ST7: variants seen among roughly 807,000 people sequenced by gnomAD.
ST7 encodes suppression of tumorigenicity 7.
In ST7, 28 loss-of-function variants were observed where a neutral mutation model predicts 78.7. That is an observed-to-expected ratio of 0.36 (90% CI 0.26 to 0.49). The LOEUF (loss-of-function observed/expected upper bound fraction) is 0.49. ST7 is among the 20% of genes least tolerant of loss of function. ST7 has a pLI of 0.99. For synonymous variants in ST7, 247 were observed against 249.6 expected (o/e 0.99, Z 0.10); for missense variants, 418 against 696.0 (o/e 0.60, Z 4.49).
At chr7:117,106,746 GA>G (rs1243010324) in intron 2 of ST7, among the ~76,000 whole-genome samples, 2 of 149,062 alleles carry the variant, frequency 1.3e-5, no homozygotes, top group African/African-American at 4.9e-5. Flanking sequence ...TTAGCCTCCT[GA>G]ATAGCTGGGA....
intron 1 of ST7, among the ~76,000 whole-genome samples, chr7:117,088,718 GA>G (rs1338321973): frequency 6.6e-6 from 1 of 152,174 alleles, no homozygotes; most frequent in African/African-American, 2.4e-5. Context: ...TTCCCCTTAA[GA>G]TAATGGAAAA....
rs1466381794 is a variant in ST7, at chr7:116,968,739, C to G, written c.151+15048C>G. ...GTAGAGCACAAAGGAGAAATAAATA[C>G]CAAAACAAGGGGATGAGAGAAAGCT... On this transcript the variant is annotated intron_variant, in intron 1 of 15. Coordinates refer to ENST00000323984, the MANE Select transcript of ST7 (RefSeq NM_001369598.1). Among the ~76,000 whole-genome samples the G allele has an allele frequency of 5.3e-5, 8 of 151,548 alleles. No homozygotes were observed. The East Asian group carries it at 1.4e-3, about 26-fold the overall frequency.
intron 8 of ST7, chr7:117,136,504 C>A: frequency 5.3e-6 from 3 of 567,480 alleles, no homozygotes; most frequent in Non-Finnish European, 9.3e-6. Flanking sequence ...TAATAGTAAC[C>A]TTTTTTCCTC....
chr7:117,097,904 ATATATT>A (rs1167442669), intron 1 of ST7, among the ~76,000 whole-genome samples: 462 of 33,682 alleles, frequency 0.014, 41 homozygotes, highest in African/African-American at 0.043. Context: ...ATATATATAT[ATATATT>A]TTTTTTTTTT....
chr7:117,202,395 C>G (rs1242922972), intron 12 of ST7, among the ~76,000 whole-genome samples: 1 of 152,200 alleles, frequency 6.6e-6, no homozygotes, highest in East Asian at 1.9e-4. Flanking sequence ...CAGGCCATTT[C>G]TCCAGGGATG....
chr7:116,981,182 C>T (rs776593587), intron 1 of ST7, among the ~76,000 whole-genome samples: 1 of 151,978 alleles, frequency 6.6e-6, no homozygotes, highest in Non-Finnish European at 1.5e-5. Flanking sequence ...GATCATGGCT[C>T]ACTGCAGCCT....
Position 116,953,682 on chromosome 7 carries a change from T to G in ST7, c.142T>G (p.Leu48Val). 6.7e-7 allele frequency: 1 copy of G among 1,489,696 alleles called. No individual in the cohort carries two copies. Among genetic ancestry groups the G allele is most frequent in the Admixed American group, 1.9e-5 (1 of 52,650 alleles). 92.3% of individuals were successfully genotyped at this position (1,489,696 alleles called of 1,614,324 possible). A position where few individuals can be genotyped will look rare whatever the true frequency, so the allele number is the denominator to read the frequency against. Residue 48 changes from leucine to valine, a missense_variant, in exon 1 of 16, where the codon TTG becomes GTG. By Grantham distance (32) the Leu-to-Val change is conservative. This residue lies in a region of ST7 where 71 missense variants were observed against 61.5 expected (regional missense o/e 1.16). Coordinates refer to ENST00000323984, the MANE Select transcript of ST7 (RefSeq NM_001369598.1). ...LRVPLKINDN[L>V]STVSMFLNTL... ...GGTGCCTTTGAAAATCAACGACAAC[T>G]TGAGCACAGGTAAGGCCTGGGAGCC...
intron 3 of ST7, among the ~76,000 whole-genome samples, chr7:117,124,477 A>G (rs1164164769): frequency 1.3e-5 from 2 of 152,172 alleles, no homozygotes; most frequent in Non-Finnish European, 2.9e-5. Flanking sequence ...GACCTTGTCC[A>G]GAACCTCTAT....
chr7:117,011,690 C>T (rs1795390864), intron 1 of ST7, among the ~76,000 whole-genome samples: 1 of 152,124 alleles, frequency 6.6e-6, no homozygotes, highest in South Asian at 2.1e-4. Context: ...TAAGTACAAC[C>T]CACTGCTGTC....
rs533912596 is a variant in ST7 at position 117,032,407 on chromosome 7, TA to T, written c.152-67354del. 5.7e-4 allele frequency among the ~76,000 whole-genome samples: 87 copies of T among 152,202 alleles called. No individual in the cohort carries two copies. In the East Asian group the frequency reaches 0.017, roughly 29 times the overall value. ...AAAGGTCTGAATTTATGAGTTTTTA[TA>T]TTCAAAAACAGGATCCCCTTTTTTA... On this transcript the variant is annotated intron_variant, in intron 1 of 15. Coordinates refer to ENST00000323984, the MANE Select transcript of ST7 (RefSeq NM_001369598.1).
chr7:117,143,307 A>G (rs1005952623), intron 9 of ST7, among the ~76,000 whole-genome samples: 2 of 151,992 alleles, frequency 1.3e-5, no homozygotes, highest in Non-Finnish European at 2.9e-5. Flanking sequence ...TTGCAACACT[A>G]CCTCTTCCTG....
intron 2 of ST7, among the ~76,000 whole-genome samples, chr7:117,109,182 G>A (rs1400098835): frequency 6.6e-6 from 1 of 152,088 alleles, no homozygotes; most frequent in Non-Finnish European, 1.5e-5. Flanking sequence ...CTGTTCTCAG[G>A]GTAAATGCTT....
intron 9 of ST7, among the ~76,000 whole-genome samples, chr7:117,148,448 T>G (rs917182131): frequency 5.9e-5 from 9 of 152,200 alleles, no homozygotes; most frequent in Admixed American, 1.3e-4. Context: ...TTTATTCAAA[T>G]CTGAGGGTTT....
chr7:117,068,038 T>G (rs1360397144), intron 1 of ST7, among the ~76,000 whole-genome samples: 1 of 125,402 alleles, frequency 8.0e-6, no homozygotes, highest in Non-Finnish European at 1.8e-5. Context: ...CTTTTTTCTT[T>G]TAGATCTACA....
At position 117,132,164 on chromosome 7, in the gene ST7, A is replaced by G. The variant is rs535532859; in HGVS notation, c.641+204A>G. 1.6e-4 allele frequency among the ~76,000 whole-genome samples: 25 copies of G among 151,852 alleles called. No homozygotes were observed. The South Asian group carries it at 2.5e-3, about 15-fold the overall frequency. ...TGGTTTTAGTCATTTTATGAATTCA[A>G]TGGCTTTGCTGTGATCCTAAATTAA... On this transcript the variant is annotated intron_variant, in intron 6 of 15. Coordinates refer to ENST00000323984, the MANE Select transcript of ST7 (RefSeq NM_001369598.1).
At chr7:116,965,230 C>G (rs369851382) in intron 1 of ST7, among the ~76,000 whole-genome samples, 1 of 151,602 alleles carries the variant, frequency 6.6e-6, no homozygotes, top group Admixed American at 6.6e-5. Context: ...GTCCCAGCTA[C>G]TCCAGAGGCT....
At chr7:117,224,306 A>AG (rs1347962365) in intron 15 of ST7, among the ~76,000 whole-genome samples, 6 of 152,296 alleles carry the variant, frequency 3.9e-5, no homozygotes, top group African/African-American at 1.4e-4. Context: ...TTTTTCCTCC[A>AG]GGTAGAATAT....
At chr7:117,077,961 AAAAGGTTTTGGATTCTTCACT>A (rs1184322903) in intron 1 of ST7, among the ~76,000 whole-genome samples, 1 of 151,870 alleles carries the variant, frequency 6.6e-6, no homozygotes, top group Non-Finnish European at 1.5e-5. Flanking sequence ...TATGAGTTGC[AAAAGGTTTTGGATTCTTCACT>A]TAAGTGCTAT....
rs1037124976 is a variant in ST7 at position 117,044,276 on chromosome 7, C to T, written c.152-55486C>T. Among the ~76,000 whole-genome samples the T allele has an allele frequency of 5.3e-5, 8 of 152,186 alleles. No homozygotes were observed. The South Asian group carries it at 1.7e-3, about 31-fold the overall frequency. On this transcript the variant is annotated intron_variant, in intron 1 of 15. Coordinates refer to ENST00000323984, the MANE Select transcript of ST7 (RefSeq NM_001369598.1). ...CAACAAAACAAATTTGTTAACATCA[C>T]TCATTTGCTTAAAAGCCTGATAAAG...
Sources: allele counts gnomAD v4.1 joint callset (sites outside exome capture counted in the v4.1 genomes callset), GRCh38; gene constraint gnomAD v4.1.1; regional missense constraint gnomAD v4.1.1; transcripts MANE v1.5; gene names NCBI Gene and HGNC (gene_info 2026-07-23, HGNC 2026-07-21).